MAMDC2: variants seen among roughly 807,000 people sequenced by gnomAD.
MAMDC2 encodes the protein MAM domain-containing protein 2.
In MAMDC2, 57 loss-of-function variants were observed where a neutral mutation model predicts 89.8. The observed-to-expected ratio is 0.63, with a 90% CI of 0.51 to 0.79. The LOEUF is 0.79. Among genes scored for constraint, MAMDC2 ranks in the 30% least tolerant of loss-of-function variants. MAMDC2 has a pLI of 0.00. For missense variants in MAMDC2, 800 were observed against 820.6 expected, an observed-to-expected ratio of 0.97 and a Z score of 0.31; for synonymous variants, 313 against 293.4, an observed-to-expected ratio of 1.07 and a Z score of -0.68.
intron 5 of MAMDC2, among the ~76,000 whole-genome samples, chr9:70,116,669 A>G (rs901368387): frequency 1.3e-5 from 2 of 150,524 alleles, no homozygotes; most frequent in Non-Finnish European, 3.0e-5. Flanking sequence ...CCTCCTGGAT[A>G]CTTATAAGCA....
intron 2 of MAMDC2, among the ~76,000 whole-genome samples, chr9:70,080,904 C>T (rs562068769): frequency 2.0e-4 from 31 of 152,054 alleles, no homozygotes; most frequent in Non-Finnish European, 3.4e-4. Context: ...GTTACTGGTC[C>T]GGTTAGGTGC....
At chr9:70,217,180 C>T (rs570288475) in intron 11 of MAMDC2, 27 of 698,926 alleles carry the variant, frequency 3.9e-5, no homozygotes, top group Middle Eastern at 5.9e-4. Flanking sequence ...TTTCTCTTCC[C>T]GTGGAGCCGT....
intron 2 of MAMDC2, among the ~76,000 whole-genome samples, chr9:70,091,155 A>T (rs547860127): frequency 6.6e-6 from 1 of 152,190 alleles, no homozygotes; most frequent in African/African-American, 2.4e-5. Flanking sequence ...TCAGTTTCTT[A>T]TATCTTTGAA....
chr9:70,072,573 G>A (rs1339214541), intron 2 of MAMDC2, among the ~76,000 whole-genome samples: 1 of 152,036 alleles, frequency 6.6e-6, no homozygotes, highest in Non-Finnish European at 1.5e-5. Context: ...CTGGACATTG[G>A]TATTATTATT....
At chr9:70,209,164 T>G (rs933589654) in intron 11 of MAMDC2, among the ~76,000 whole-genome samples, 1 of 152,216 alleles carries the variant, frequency 6.6e-6, no homozygotes, top group Non-Finnish European at 1.5e-5. Context: ...TAGGGAGGAT[T>G]CCCTCTTTTT....
intron 2 of MAMDC2, among the ~76,000 whole-genome samples, chr9:70,051,941 A>G (rs986133097): frequency 1.3e-5 from 2 of 152,244 alleles, no homozygotes; most frequent in African/African-American, 4.8e-5. Flanking sequence ...ACAGATAGAT[A>G]GATATAGTTT....
chr9:70,125,653 C>T (rs555755100), intron 5 of MAMDC2, among the ~76,000 whole-genome samples: 1 of 152,300 alleles, frequency 6.6e-6, no homozygotes, highest in South Asian at 2.1e-4. Flanking sequence ...TAGTTTCACT[C>T]AAAAAACACA....
Position 70,226,080 on chromosome 9 carries a change from A to C in MAMDC2, c.*48A>C. 9.0e-7 allele frequency: 1 copy of C among 1,113,622 alleles called. No individual in the cohort carries two copies. The highest frequency in any genetic ancestry group is 1.6e-5 in the African/African-American group (1 of 63,122). The allele number at this position is 1,113,622 out of a possible 1,614,324, so 69.0% of individuals were successfully genotyped here. A position where few individuals can be genotyped will look rare whatever the true frequency, so the allele number is the denominator to read the frequency against. On this transcript the variant is annotated 3_prime_UTR_variant, in exon 14 of 14. Transcript: ENST00000377182. ...CTAGACGAAAACCATACCTCTCTTCAATCAAAATGAAAACAAAGCAAATGA... is the reference window on the plus strand; with the variant it reads ...CTAGACGAAAACCATACCTCTCTTCCATCAAAATGAAAACAAAGCAAATGA...
chr9:70,178,053 C>T (rs1279751040), intron 11 of MAMDC2, among the ~76,000 whole-genome samples: 3 of 152,162 alleles, frequency 2.0e-5, no homozygotes, highest in Admixed American at 1.3e-4. Context: ...ATGTATCCTA[C>T]ACCCCACAAA....
chr9:70,074,592 A>G (rs1827487364), intron 2 of MAMDC2, among the ~76,000 whole-genome samples: 1 of 152,198 alleles, frequency 6.6e-6, no homozygotes, highest in East Asian at 1.9e-4. Context: ...CCCAGCCGCC[A>G]CCAAGGCACT....
chr9:70,082,725 C>T lies in MAMDC2; in HGVS notation c.149-25486C>T, dbSNP rs184871535. ...CAGAAAGCCTGCTACAAGTGACTAG[C>T]CCAGGTTTGGGTCTGTTTCTGGCAT... On this transcript the variant is annotated intron_variant, in intron 2 of 13. Coordinates refer to ENST00000377182, the MANE Select transcript of MAMDC2 (RefSeq NM_153267.5). The T allele has an allele frequency of 3.3e-5, 5 of 152,208 alleles. No individual in the cohort carries two copies. The East Asian group carries it at 9.7e-4, about 29-fold the overall frequency. The allele number at this position is 152,208 out of a possible 1,614,324, so 9.4% of individuals were successfully genotyped here.
At chr9:70,198,160 G>GTATA (rs755641073) in intron 11 of MAMDC2, among the ~76,000 whole-genome samples, 626 of 51,098 alleles carry the variant, frequency 0.012, 3 homozygotes, top group South Asian at 0.034. Flanking sequence ...GTGTATGTGT[G>GTATA]TATATATATA....
chr9:70,218,434 G>A lies in MAMDC2; in HGVS notation c.1749G>A (p.Leu583=). 1 of 1,614,180 alleles carries A rather than the reference G, an allele frequency of 6.2e-7. No individual in the cohort carries two copies. The highest frequency in any genetic ancestry group is 8.5e-7 in the Non-Finnish European group (1 of 1,180,026). The change falls in exon 12 of 14, where the codon TTG becomes TTA. Residue 583 remains leucine (L), a synonymous_variant. Transcript: ENST00000377182. The part of the protein sequence containing the change: ...PLRGVSGKHC[L]TFFYHMYGGG... Reference sequence around the variant, plus strand: ...GAGGAGTCTCTGGAAAACACTGCTTGACCTTTTTCTACCACATGTATGGAG... The same window carrying A: ...GAGGAGTCTCTGGAAAACACTGCTTAACCTTTTTCTACCACATGTATGGAG...
chr9:70,215,811 A>C (rs1469801751), intron 11 of MAMDC2, among the ~76,000 whole-genome samples: 1 of 152,214 alleles, frequency 6.6e-6, no homozygotes, highest in Non-Finnish European at 1.5e-5. Flanking sequence ...AACTTTATAG[A>C]GTAAAACAAA....
chr9:70,119,394 T>C (rs2118305422), intron 5 of MAMDC2, among the ~76,000 whole-genome samples: 1 of 152,302 alleles, frequency 6.6e-6, no homozygotes, highest in East Asian at 1.9e-4. Flanking sequence ...TCTTTTCTCA[T>C]TTCAGTTTGG....
At chr9:70,048,956 G>T (rs575515739) in intron 2 of MAMDC2, among the ~76,000 whole-genome samples, 1 of 152,328 alleles carries the variant, frequency 6.6e-6, no homozygotes, top group Non-Finnish European at 1.5e-5. Flanking sequence ...TCTAGGTGTT[G>T]CCCCTTAATT....
chr9:70,055,537 C>A (rs1289255724), intron 2 of MAMDC2, among the ~76,000 whole-genome samples: 1 of 152,170 alleles, frequency 6.6e-6, no homozygotes, highest in Non-Finnish European at 1.5e-5. Context: ...CGCTTCTCTG[C>A]AGAAGGTGGG....
chr9:70,196,356 C>T (rs2032975278), intron 11 of MAMDC2, among the ~76,000 whole-genome samples: 1 of 151,962 alleles, frequency 6.6e-6, no homozygotes, highest in Admixed American at 6.6e-5. Context: ...AAAGTTATGG[C>T]CACAGTACAT....
intron 9 of MAMDC2, among the ~76,000 whole-genome samples, chr9:70,163,251 C>CA (rs1335733604): frequency 1.0e-5 from 1 of 100,022 alleles, no homozygotes; most frequent in Non-Finnish European, 2.0e-5. Context: ...TTTTTTTAGA[C>CA]AGAGTCTTGC....
Sources: allele counts gnomAD v4.1 joint callset (sites outside exome capture counted in the v4.1 genomes callset), GRCh38; gene constraint gnomAD v4.1.1; transcripts MANE v1.5; gene names NCBI Gene and HGNC (gene_info 2026-07-23, HGNC 2026-07-21).